Variants in GOLIM4 observed in about 807,000 individuals in gnomAD.
GOLIM4 encodes the protein golgi integral membrane protein 4.
GOLIM4 carries 71 observed loss-of-function variants against 107.4 expected under a neutral mutation model. The ratio of observed to expected loss-of-function variants is 0.66; its 90% CI spans 0.55 to 0.81. GOLIM4 has a LOEUF of 0.81. Ranked by LOEUF, GOLIM4 falls within the 30% of genes least tolerant of loss-of-function variation. The pLI, the probability that GOLIM4 is intolerant of heterozygous loss-of-function variation, is 0.00. For missense variants in GOLIM4, 830 were observed against 826.1 expected, an observed-to-expected ratio of 1.00 and a Z score of -0.06; for synonymous variants, 327 against 294.8, an observed-to-expected ratio of 1.11 and a Z score of -1.12.
At chr3:168,036,550 A>G (rs187316537) in intron 8 of GOLIM4, among the ~76,000 whole-genome samples, 1 of 152,332 alleles carries the variant, frequency 6.6e-6, no homozygotes, top group East Asian at 1.9e-4. Context: ...TCAGAGAAAA[A>G]AAGAAAGAAA....
chr3:168,029,827 C>A lies in GOLIM4; in HGVS notation c.1386G>T (p.Arg462Ser). The A allele has an allele frequency of 6.2e-7, 1 of 1,614,092 alleles. No homozygotes were observed. The highest frequency in any genetic ancestry group is 8.5e-7 in the Non-Finnish European group (1 of 1,180,032). Residue 462 changes from arginine to serine, a missense_variant, in exon 10 of 16, where the codon AGG (arginine) becomes AGT (serine). Coordinates refer to ENST00000470487, the MANE Select transcript of GOLIM4 (RefSeq NM_014498.5). ...GCCGGCCCTCCTCAAGCTCAGCCTG[C>A]CTCTGCAGGGCCATCTCTCTTGCCA... ...QQVAREMALQ[R>S]QAELEEGRPQ...
At chr3:168,090,941 T>C (rs761364388) in intron 1 of GOLIM4, among the ~76,000 whole-genome samples, 1 of 152,202 alleles carries the variant, frequency 6.6e-6, no homozygotes, top group Non-Finnish European at 1.5e-5. Flanking sequence ...AGATAGCATG[T>C]TCTCATTTAC....
In GOLIM4 at chr3:168,080,440, T is replaced by C. The variant is rs144246296; in HGVS notation, c.187+14659A>G. ...GATATTTAAATTCATGAAAATTAAA[T>C]AAAATTTAAGATTCAGCTCCTCAGT... On this transcript the variant is annotated intron_variant, in intron 1 of 15. Transcript: ENST00000470487. Among the ~76,000 whole-genome samples the C allele has an allele frequency of 3.9e-5, 6 of 152,296 alleles. No individual in the cohort carries two copies. The East Asian group carries it at 1.2e-3, about 29-fold the overall frequency.
chr3:168,029,164 A>T, intron 11 of GOLIM4, 59 bp downstream of exon 11: 1 of 1,099,102 alleles, frequency 9.1e-7, no homozygotes. Flanking sequence ...GCTCACTGAT[A>T]ATATACAATG....
chr3:168,031,573 G>A (rs1351733555), intron 9 of GOLIM4, among the ~76,000 whole-genome samples: 1 of 152,224 alleles, frequency 6.6e-6, no homozygotes, highest in Non-Finnish European at 1.5e-5. Flanking sequence ...CTTAAGGAAA[G>A]AGGTAGAGGG....
chr3:168,053,268 C>A (rs757418908), intron 1 of GOLIM4, among the ~76,000 whole-genome samples: 41 of 152,280 alleles, frequency 2.7e-4, no homozygotes, highest in Non-Finnish European at 4.1e-4. Context: ...AAGCAACACT[C>A]CAAAATTAGG....
In GOLIM4 at chr3:168,048,351, T is replaced by G; in HGVS notation, c.202A>C (p.Arg68=). 1 of 1,522,942 alleles carries G rather than the reference T, an allele frequency of 6.6e-7. No homozygotes were observed. Among genetic ancestry groups the G allele is most frequent in the Middle Eastern group, 1.7e-4 (1 of 5,806 alleles). 94.3% of individuals were successfully genotyped at this position (1,522,942 alleles called of 1,614,324 possible). A position where few individuals can be genotyped will look rare whatever the true frequency, so the allele number is the denominator to read the frequency against. The change falls in exon 2 of 16, where the codon AGA becomes CGA. Residue 68 remains arginine (R), a synonymous_variant. Coordinates refer to ENST00000470487, the MANE Select transcript of GOLIM4 (RefSeq NM_014498.5). ...TGCAAGGATTTCTCTAATCTTGATC[T>G]GTGTTCATATACAACTGGAAAAAAA... The part of the protein sequence containing the change: ...SAQLQVVYEH[R]SRLEKSLQKE...
chr3:168,011,742 C>G (rs1354254977), intron 14 of GOLIM4, among the ~76,000 whole-genome samples: 2 of 136,318 alleles, frequency 1.5e-5, no homozygotes, highest in Non-Finnish European at 3.0e-5. Flanking sequence ...GACCCCTTAC[C>G]CCTGAGCAGC....
At chr3:168,040,263 A>T (rs1324073644) in intron 7 of GOLIM4, among the ~76,000 whole-genome samples, 3 of 152,224 alleles carry the variant, frequency 2.0e-5, no homozygotes, top group Non-Finnish European at 4.4e-5. Context: ...CTAGGTTTGA[A>T]CAAATGGAGC....
chr3:168,030,704 G>T (rs979834000), intron 9 of GOLIM4, among the ~76,000 whole-genome samples: 25 of 152,214 alleles, frequency 1.6e-4, no homozygotes, highest in African/African-American at 6.0e-4. Flanking sequence ...TATCAAAAAG[G>T]CAACAACAAA....
intron 1 of GOLIM4, among the ~76,000 whole-genome samples, chr3:168,078,903 C>T (rs1047972679): frequency 3.9e-5 from 6 of 152,034 alleles, no homozygotes; most frequent in African/African-American, 1.5e-4. Flanking sequence ...CTTAACAATG[C>T]TACAAATGCT....
chr3:168,064,915 ACCG>A (rs1483767482), intron 1 of GOLIM4, among the ~76,000 whole-genome samples: 4 of 152,034 alleles, frequency 2.6e-5, no homozygotes, highest in Non-Finnish European at 1.5e-5. Flanking sequence ...GATTAAAGCT[ACCG>A]AATATAACTT....
At chr3:168,079,180 CA>C (rs1270527965) in intron 1 of GOLIM4, among the ~76,000 whole-genome samples, 1 of 152,052 alleles carries the variant, frequency 6.6e-6, no homozygotes, top group East Asian at 1.9e-4. Context: ...AATCAATATC[CA>C]AATATCCATC....
chr3:168,040,864 C>T lies in GOLIM4; in HGVS notation c.606G>A (p.Gln202=), dbSNP rs772914980. 1.4e-5 allele frequency: 22 copies of T among 1,607,276 alleles called. No homozygotes were observed. Among genetic ancestry groups the T allele is most frequent in the East Asian group, 2.2e-5 (1 of 44,820 alleles). Residue 202 remains glutamine, a synonymous_variant, in exon 7 of 16, where the codon CAG becomes CAA. Coordinates refer to ENST00000470487, the MANE Select transcript of GOLIM4 (RefSeq NM_014498.5). ...IHTQLQDVKQ[Q]HKNLLSEHEQ... ...CATGCTCGGAGAGTAAATTCTTATG[C>T]TGTTGCTACACAAAAAAGAATTTTA... is the stretch of plus-strand genomic sequence containing the variant.
intron 1 of GOLIM4, among the ~76,000 whole-genome samples, chr3:168,091,432 C>T (rs1424980447): frequency 2.0e-5 from 3 of 152,156 alleles, no homozygotes; most frequent in African/African-American, 4.8e-5. Flanking sequence ...CTGATATGAT[C>T]CAGAACAGAG....
intron 1 of GOLIM4, among the ~76,000 whole-genome samples, chr3:168,050,785 C>T (rs1056036553): frequency 3.3e-5 from 5 of 150,138 alleles, no homozygotes; most frequent in African/African-American, 1.2e-4. Flanking sequence ...AGCAAAGTCC[C>T]CAGTATAGGC....
intron 9 of GOLIM4, among the ~76,000 whole-genome samples, chr3:168,032,272 G>C (rs1718373342): frequency 6.6e-6 from 1 of 152,160 alleles, no homozygotes; most frequent in Non-Finnish European, 1.5e-5. Flanking sequence ...CTCTGACTGT[G>C]TACAACTGAC....
intron 1 of GOLIM4, among the ~76,000 whole-genome samples, chr3:168,077,714 CTAA>C (rs1427355487): frequency 1.1e-4 from 16 of 152,154 alleles, no homozygotes; most frequent in South Asian, 2.1e-4. Context: ...CTCTCCTCAA[CTAA>C]TAATAATTTT....
At chr3:168,041,165 T>G (rs1396455814) in intron 6 of GOLIM4, 1 of 521,242 alleles carries the variant, frequency 1.9e-6, no homozygotes, top group East Asian at 3.0e-5. Context: ...AATATGTAAC[T>G]AGCATGAGAA....
Sources: gnomAD v4.1 joint callset for allele counts (sites outside exome capture counted in the v4.1 genomes callset) on GRCh38, gnomAD v4.1.1 for gene constraint, MANE v1.5 for transcripts, NCBI Gene and HGNC (gene_info 2026-07-23, HGNC 2026-07-21) for gene names.